SLC25A46: variants seen among roughly 807,000 people sequenced by gnomAD.
The protein encoded by SLC25A46 is solute carrier family 25 member 46, also known as mitochondrial outer membrane protein SLC25A46.
Under a neutral mutation model 44.6 loss-of-function variants are expected in SLC25A46, and 39 were observed. The ratio of observed to expected loss-of-function variants is 0.87; its 90% CI spans 0.68 to 1.14. The LOEUF is 1.14. SLC25A46 is among the 50% of genes most tolerant of loss of function. SLC25A46 has a pLI of 0.00. For missense variants in SLC25A46, 547 were observed against 522.7 expected, an observed-to-expected ratio of 1.05 and a Z score of -0.45; for synonymous variants, 202 against 185.8, an observed-to-expected ratio of 1.09 and a Z score of -0.71.
intron 2 of SLC25A46, among the ~76,000 whole-genome samples, chr5:110,743,356 A>AG (rs1285025240): frequency 1.3e-5 from 2 of 152,112 alleles, no homozygotes; most frequent in Non-Finnish European, 2.9e-5. Flanking sequence ...GAATTCTGTT[A>AG]TTAGGACATT....
intron 5 of SLC25A46, among the ~76,000 whole-genome samples, chr5:110,751,464 T>C (rs1799967414): frequency 6.6e-6 from 1 of 152,094 alleles, no homozygotes; most frequent in Non-Finnish European, 1.5e-5. Flanking sequence ...CAGGTGTAAC[T>C]GAGAGAAGCC....
intron 1 of SLC25A46, among the ~76,000 whole-genome samples, chr5:110,741,206 TA>T (rs1799680740): frequency 6.6e-6 from 1 of 152,198 alleles, no homozygotes; most frequent in African/African-American, 2.4e-5. Flanking sequence ...GGGGTTGTAA[TA>T]GTTCACCACT....
chr5:110,739,306 C>T lies in SLC25A46; in HGVS notation c.187C>T (p.Pro63Ser), dbSNP rs1170368799. 1.3e-6 allele frequency: 2 copies of T among 1,571,314 alleles called. No individual in the cohort carries two copies. Among genetic ancestry groups the T allele is most frequent in the Admixed American group, 1.9e-5 (1 of 53,332 alleles). ...RNLHWGEKSPPYGVPTTSTPY... is the reference protein window; with the variant it reads ...RNLHWGEKSPSYGVPTTSTPY... Reference sequence around the variant, plus strand: ...CCTGCACTGGGGCGAGAAGAGCCCGCCCTACGGCGTGCCCACCACCTCCAC... The same window carrying T: ...CCTGCACTGGGGCGAGAAGAGCCCGTCCTACGGCGTGCCCACCACCTCCAC... Residue 63 changes from proline to serine, a missense_variant, in exon 1 of 8, where the codon CCC (proline) becomes TCC (serine). Transcript: ENST00000355943.
chr5:110,761,318 A>G lies in SLC25A46; in HGVS notation c.793A>G (p.Ile265Val). The change falls in exon 8 of 8, where the codon ATC becomes GTC. Residue 265 changes from isoleucine to valine, a missense_variant. Coordinates refer to ENST00000355943, the MANE Select transcript of SLC25A46 (RefSeq NM_138773.4). This position sits in a 1 kb window ranked among gnomAD's most constrained non-coding sequence, Gnocchi z 5.3. ...SKRLLPLLSL[I>V]FPTVLHGVLH... ...ACGACTTCTTCCGCTTCTTTCCTTG[A>G]TCTTCCCTACGGTGCTTCATGGAGT... 1 of 1,613,824 alleles carries G rather than the reference A, an allele frequency of 6.2e-7. No homozygotes were observed. Among genetic ancestry groups the G allele is most frequent in the South Asian group, 1.1e-5 (1 of 91,080 alleles).
At chr5:110,756,799 A>G (rs780926822) in intron 7 of SLC25A46, 40 bp downstream of exon 7, 5 of 1,445,508 alleles carry the variant, frequency 3.5e-6, no homozygotes, top group Admixed American at 5.0e-5. Flanking sequence ...TTATTTAAGA[A>G]TAGTTTTTTG....
At chr5:110,758,757 C>T (rs1009602243) in intron 7 of SLC25A46, among the ~76,000 whole-genome samples, 2 of 151,362 alleles carry the variant, frequency 1.3e-5, no homozygotes, top group African/African-American at 2.4e-5. Context: ...ACTCCAGCCT[C>T]GGTGACAGAG....
chr5:110,738,293 AG>A (rs1363709906), upstream of SLC25A46: 1 of 1,262,980 alleles, frequency 7.9e-7, no homozygotes, highest in South Asian at 1.3e-5. Flanking sequence ...ATTCAATTAG[AG>A]GTCCCAATTT....
chr5:110,742,849 C>T (rs1280144946), intron 2 of SLC25A46, among the ~76,000 whole-genome samples: 1 of 151,896 alleles, frequency 6.6e-6, no homozygotes, highest in Non-Finnish European at 1.5e-5. Context: ...ATCCTTTAGT[C>T]TTGATTATTG....
rs1210158785 is a variant in SLC25A46 at position 110,763,421 on chromosome 5, AT to A, written c.*1644del. On this transcript the variant is annotated 3_prime_UTR_variant, in exon 8 of 8. Transcript: ENST00000355943. ...AGTTACTGAAACACCTACATTTTCC[AT>A]TTTTAAATTCCACCAAAAGGGGGAA... The A allele has an allele frequency of 6.6e-6, 1 of 151,796 alleles. No individual in the cohort carries two copies. The highest frequency in any genetic ancestry group is 2.4e-5 in the African/African-American group (1 of 41,386). The allele number at this position is 151,796 out of a possible 1,614,324, so 9.4% of individuals were successfully genotyped here.
chr5:110,739,100 G>A lies in SLC25A46; in HGVS notation c.-20G>A, dbSNP rs1799525790. 1.9e-6 allele frequency: 3 copies of A among 1,542,652 alleles called. No individual in the cohort carries two copies. In the South Asian group the frequency reaches 3.6e-5, roughly 18 times the overall value. On this transcript the variant is annotated 5_prime_UTR_variant, in exon 1 of 8. Coordinates refer to ENST00000355943, the MANE Select transcript of SLC25A46 (RefSeq NM_138773.4). ...GGTGGTGGGCTCCGGGCGGGCTCGC[G>A]TCATCCTGCCCCCGCTGCGATGCAT... is the stretch of plus-strand genomic sequence containing the variant.
chr5:110,740,433 G>A (rs1799633868), intron 1 of SLC25A46, among the ~76,000 whole-genome samples: 1 of 152,048 alleles, frequency 6.6e-6, no homozygotes, highest in South Asian at 2.1e-4. Context: ...TTAGCTTTTT[G>A]ACTCTTCCCG....
intron 3 of SLC25A46, among the ~76,000 whole-genome samples, chr5:110,744,654 C>A (rs757532508): frequency 6.6e-6 from 1 of 152,174 alleles, no homozygotes; most frequent in Non-Finnish European, 1.5e-5. Flanking sequence ...GTTGAAAATT[C>A]AAACTTATCA....
intron 3 of SLC25A46, 150 bp from the exon 4 acceptor site, chr5:110,746,119 C>T: frequency 1.6e-6 from 1 of 627,660 alleles, no homozygotes; most frequent in South Asian, 2.0e-5. Flanking sequence ...ATTTAAAGCA[C>T]TTTTAAGAGT....
At position 110,748,233 on chromosome 5, in the gene SLC25A46, G is replaced by C. The variant is rs528118058; in HGVS notation, c.533G>C (p.Gly178Ala). 3.1e-6 allele frequency: 5 copies of C among 1,613,468 alleles called. No homozygotes were observed. In the South Asian group the frequency reaches 3.3e-5, roughly 11 times the overall value. Residue 178 changes from glycine to alanine, a missense_variant, in exon 5 of 8, where the codon GGC becomes GCC. Coordinates refer to ENST00000355943, the MANE Select transcript of SLC25A46 (RefSeq NM_138773.4). The part of the protein sequence containing the change: ...IVQGVTLGAE[G>A]IISEFTPLPR... Reference sequence around the variant, plus strand: ...CAGGGAGTCACACTTGGAGCAGAAGGCATAATTAGTGAATTTACACCTTTG... The same window carrying C: ...CAGGGAGTCACACTTGGAGCAGAAGCCATAATTAGTGAATTTACACCTTTG...
Position 110,751,877 on chromosome 5 carries a change from T to C in SLC25A46, c.564-3588T>C, listed in dbSNP as rs140044191. On this transcript the variant is annotated intron_variant, in intron 5 of 7. Coordinates refer to ENST00000355943, the MANE Select transcript of SLC25A46 (RefSeq NM_138773.4). ...TGGGCTTGTGTAACTAGTTGTCAAA[T>C]GAAGCTGTTTTTTTGAAGTATAGTG... 2.9e-3 allele frequency among the ~76,000 whole-genome samples: 437 copies of C among 152,312 alleles called. 1 individual carries two copies. The highest frequency in any genetic ancestry group is 0.01 in the African/African-American group (419 of 41,576).
chr5:110,759,462 T>A (rs187222038), intron 7 of SLC25A46, among the ~76,000 whole-genome samples: 1 of 152,194 alleles, frequency 6.6e-6, no homozygotes, highest in African/African-American at 2.4e-5. Context: ...TGGTGCTAAC[T>A]AAGCACAAAA....
At chr5:110,749,016 T>A (rs1799889890) in intron 5 of SLC25A46, among the ~76,000 whole-genome samples, 1 of 152,164 alleles carries the variant, frequency 6.6e-6, no homozygotes, top group Admixed American at 6.5e-5. Context: ...ATTGTAATAA[T>A]CTAGGCGAGG....
At position 110,761,870 on chromosome 5, in the gene SLC25A46, G is replaced by A; in HGVS notation, c.*88G>A. The A allele has an allele frequency of 9.1e-7, 1 of 1,100,410 alleles. No homozygotes were observed. The highest frequency in any genetic ancestry group is 1.3e-6 in the Non-Finnish European group (1 of 789,198). 68.2% of individuals were successfully genotyped at this position (1,100,410 alleles called of 1,614,324 possible). A position where few individuals can be genotyped will look rare whatever the true frequency, so the allele number is the denominator to read the frequency against. ...TGAGGGATACAAGTGAAATACTGGG[G>A]AAGAAAATGGATTGGAAAGTAAAAT... On this transcript the variant is annotated 3_prime_UTR_variant, in exon 8 of 8. Coordinates refer to ENST00000355943, the MANE Select transcript of SLC25A46 (RefSeq NM_138773.4). The surrounding 1 kb of genome is among the most constrained non-coding windows in gnomAD (Gnocchi z 5.3).
At chr5:110,742,461 T>C (rs961612317) in intron 2 of SLC25A46, among the ~76,000 whole-genome samples, 3 of 152,078 alleles carry the variant, frequency 2.0e-5, no homozygotes, top group Non-Finnish European at 2.9e-5. Flanking sequence ...TAAGAACTTT[T>C]TTCATAGGAC....
Sources: allele counts gnomAD v4.1 joint callset (sites outside exome capture counted in the v4.1 genomes callset), GRCh38; gene constraint gnomAD v4.1.1; non-coding constraint Gnocchi (gnomAD v3.1); transcripts MANE v1.5; gene names NCBI Gene and HGNC (gene_info 2026-07-23, HGNC 2026-07-21).